The following AK5 variants were observed in gnomAD, a reference collection of about 807,000 sequenced individuals.
AK5 encodes adenylate kinase isoenzyme 5.
Under a neutral mutation model 69.5 loss-of-function variants are expected in AK5, and 27 were observed. The ratio of observed to expected loss-of-function variants is 0.39; its 90% CI spans 0.29 to 0.54. The LOEUF is 0.54. AK5 is among the 20% of genes least tolerant of loss of function. The pLI is 0.71. For missense variants in AK5, 531 were observed against 700.4 expected, an observed-to-expected ratio of 0.76 and a Z score of 2.73; for synonymous variants, 260 against 244.4, an observed-to-expected ratio of 1.06 and a Z score of -0.60.
chr1:77,511,110 G>C (rs1657324299), intron 10 of AK5, among the ~76,000 whole-genome samples: 1 of 151,644 alleles, frequency 6.6e-6, no homozygotes, highest in South Asian at 2.1e-4. Context: ...TATAAAAAAA[G>C]CTGCATCCAA....
chr1:77,515,198 T>A (rs1015150258), intron 10 of AK5, among the ~76,000 whole-genome samples: 2 of 152,114 alleles, frequency 1.3e-5, no homozygotes, highest in African/African-American at 4.8e-5. Context: ...CTATGAGGGG[T>A]CTGACCTCCT....
chr1:77,303,328 G>T (rs1391429203), intron 5 of AK5, among the ~76,000 whole-genome samples: 1 of 152,120 alleles, frequency 6.6e-6, no homozygotes, highest in Non-Finnish European at 1.5e-5. Flanking sequence ...TATATCTATT[G>T]ATATTCACCA....
At chr1:77,310,557 A>G (rs1372636126) in intron 5 of AK5, among the ~76,000 whole-genome samples, 1 of 151,614 alleles carries the variant, frequency 6.6e-6, no homozygotes, top group South Asian at 2.1e-4. Context: ...TTTTTTTTGT[A>G]TTTTTAGTAG....
chr1:77,532,522 G>A (rs191698151), intron 12 of AK5, among the ~76,000 whole-genome samples: 2 of 152,300 alleles, frequency 1.3e-5, no homozygotes, highest in East Asian at 3.9e-4. Context: ...TCACTCACTA[G>A]TCCCTAGTGA....
At chr1:77,486,398 T>C in intron 10 of AK5, 46 bp downstream of exon 10, 1 of 1,483,516 alleles carries the variant, frequency 6.7e-7, no homozygotes. Flanking sequence ...TTGCTAATAA[T>C]AAGAATTTGG....
At chr1:77,351,145 A>G (rs1010283715) in intron 6 of AK5, among the ~76,000 whole-genome samples, 13 of 152,154 alleles carry the variant, frequency 8.5e-5, no homozygotes, top group African/African-American at 2.7e-4. Flanking sequence ...TGTAATCCCA[A>G]CACTTTGGGA....
chr1:77,513,865 A>G (rs1385355282), intron 10 of AK5, among the ~76,000 whole-genome samples: 4 of 152,152 alleles, frequency 2.6e-5, no homozygotes, highest in Admixed American at 1.3e-4. Context: ...TACAAAGCAA[A>G]CTGGAAAACG....
At chr1:77,408,046 G>A (rs1346954145) in intron 6 of AK5, among the ~76,000 whole-genome samples, 2 of 152,110 alleles carry the variant, frequency 1.3e-5, no homozygotes, top group Non-Finnish European at 2.9e-5. Context: ...TGGGGACCCA[G>A]GTTAATTCCA....
chr1:77,491,304 A>ATTAT (rs1655979091), intron 10 of AK5, among the ~76,000 whole-genome samples: 1 of 87,368 alleles, frequency 1.1e-5, no homozygotes, highest in African/African-American at 4.5e-5. Flanking sequence ...CATGAATTGA[A>ATTAT]TTTTTTTTTT....
In AK5 at chr1:77,480,156, G is replaced by GTGTGTGTA. The variant is rs1206468520; in HGVS notation, c.1060-3160_1060-3159insGTGTGTAT. Among the ~76,000 whole-genome samples the GTGTGTGTA allele has an allele frequency of 5.4e-4, 82 of 151,528 alleles. 4 individuals carry two copies. Among genetic ancestry groups the GTGTGTGTA allele is most frequent in the African/African-American group, 1.9e-3 (79 of 41,286 alleles). On this transcript the variant is annotated intron_variant, in intron 8 of 13. Coordinates refer to ENST00000354567, the MANE Select transcript of AK5 (RefSeq NM_174858.3). ...TGTGTGTGTGTGTGTGTGTGTGTGT[G>GTGTGTGTA]TAAGATGCCAGATTAATTTTGTTTA...
At chr1:77,449,228 G>C (rs556073476) in intron 8 of AK5, among the ~76,000 whole-genome samples, 1 of 152,180 alleles carries the variant, frequency 6.6e-6, no homozygotes, top group Admixed American at 6.5e-5. Flanking sequence ...CCAGAAGAGG[G>C]GGGTATACCC....
At chr1:77,283,841 A>G (rs914287108) in intron 1 of AK5, among the ~76,000 whole-genome samples, 1 of 152,208 alleles carries the variant, frequency 6.6e-6, no homozygotes, top group South Asian at 2.1e-4. Flanking sequence ...TTTCATTTCT[A>G]CGCTTCTAAA....
At chr1:77,419,449 C>G (rs1650659261) in intron 8 of AK5, among the ~76,000 whole-genome samples, 1 of 151,190 alleles carries the variant, frequency 6.6e-6, no homozygotes, top group South Asian at 2.1e-4. Flanking sequence ...TAAGGATATT[C>G]AAAATATTGA....
chr1:77,524,679 T>C (rs952368395), intron 12 of AK5, among the ~76,000 whole-genome samples: 11 of 152,222 alleles, frequency 7.2e-5, no homozygotes, highest in Admixed American at 6.5e-5. Flanking sequence ...ATATTTTCTT[T>C]CATTTGATAG....
At chr1:77,368,233 A>ATGT (rs1197320761) in intron 6 of AK5, among the ~76,000 whole-genome samples, 924 of 12,638 alleles carry the variant, frequency 0.073, 87 homozygotes, top group African/African-American at 0.1. Flanking sequence ...ATATATATAT[A>ATGT]TATATATATA....
intron 5 of AK5, among the ~76,000 whole-genome samples, chr1:77,330,074 C>T (rs1661005406): frequency 6.6e-6 from 1 of 152,172 alleles, no homozygotes; most frequent in South Asian, 2.1e-4. Flanking sequence ...AGAATTGTAG[C>T]AGAGTGAAAA....
chr1:77,367,738 G>A (rs1463786425), intron 6 of AK5, among the ~76,000 whole-genome samples: 4 of 6,152 alleles, frequency 6.5e-4, no homozygotes, highest in Non-Finnish European at 8.8e-4. Context: ...TTATATATAC[G>A]TTATATGTTA....
intron 12 of AK5, among the ~76,000 whole-genome samples, chr1:77,525,797 A>G (rs1262192331): frequency 6.6e-6 from 1 of 152,096 alleles, no homozygotes; most frequent in Non-Finnish European, 1.5e-5. Flanking sequence ...TGTCTATTCT[A>G]TTGGTCTATA....
At chr1:77,305,560 C>A (rs1159719824) in intron 5 of AK5, among the ~76,000 whole-genome samples, 1 of 152,082 alleles carries the variant, frequency 6.6e-6, no homozygotes, top group Admixed American at 6.6e-5. Flanking sequence ...ATATGGACAT[C>A]CAGTTTTCCC....
Sources: gnomAD v4.1 joint callset for allele counts (sites outside exome capture counted in the v4.1 genomes callset) on GRCh38, gnomAD v4.1.1 for gene constraint, MANE v1.5 for transcripts, NCBI Gene and HGNC (gene_info 2026-07-23, HGNC 2026-07-21) for gene names.